ACTR3C: variants seen among roughly 807,000 people sequenced by gnomAD.
ACTR3C encodes the protein actin related protein 3C.
In ACTR3C, 18 loss-of-function variants were observed where a neutral mutation model predicts 26.3. The ratio of observed to expected loss-of-function variants is 0.68; its 90% CI spans 0.47 to 1.01. ACTR3C has a LOEUF of 1.01. ACTR3C is among the 50% of genes least tolerant of loss of function. The probability of loss-of-function intolerance (pLI) is 0.00; values close to 1 mark genes in which losing one functional copy is unlikely to be tolerated. For missense variants in ACTR3C, 184 were observed against 250.7 expected, an observed-to-expected ratio of 0.73 and a Z score of 1.80; for synonymous variants, 55 against 94.5, an observed-to-expected ratio of 0.58 and a Z score of 2.42.
At chr7:150,066,332 G>T in the ACTR3C span, among the ~76,000 whole-genome samples, 682 of 152,302 alleles carry the variant, frequency 4.5e-3, 5 homozygotes, top group African/African-American at 0.016. Context: ...TGTGTGAACT[G>T]GAACAGGCCT....
chr7:150,162,433 C>T, the ACTR3C span, among the ~76,000 whole-genome samples: 2 of 152,092 alleles, frequency 1.3e-5, no homozygotes, highest in African/African-American at 4.8e-5. Flanking sequence ...TCAAGCAATT[C>T]TCCTGCCTCA....
chr7:150,036,441 G>A, the ACTR3C span, among the ~76,000 whole-genome samples: 158 of 144,926 alleles, frequency 1.1e-3, no homozygotes, highest in African/African-American at 3.9e-3. Context: ...CGCATACAAT[G>A]GAAAAGGCTT....
the ACTR3C span, among the ~76,000 whole-genome samples, chr7:149,976,241 T>G: frequency 1.3e-5 from 2 of 152,184 alleles, no homozygotes; most frequent in South Asian, 4.1e-4. Flanking sequence ...CTTTAATTTT[T>G]GGTTCAAGGG....
chr7:150,160,224 T>C, the ACTR3C span, among the ~76,000 whole-genome samples: 1 of 152,186 alleles, frequency 6.6e-6, no homozygotes, highest in Non-Finnish European at 1.5e-5. Flanking sequence ...TAAAGAGTTT[T>C]AGTAAAAAAG....
At chr7:150,009,563 C>T in the ACTR3C span, among the ~76,000 whole-genome samples, 1 of 152,124 alleles carries the variant, frequency 6.6e-6, no homozygotes, top group Non-Finnish European at 1.5e-5. Context: ...TCTTTGAGTA[C>T]CACCCCATGT....
the ACTR3C span, among the ~76,000 whole-genome samples, chr7:150,027,220 A>G: frequency 6.6e-6 from 1 of 152,252 alleles, no homozygotes; most frequent in African/African-American, 2.4e-5. Context: ...AGTGAACGGC[A>G]CAGTCCACAA....
At chr7:150,213,072 A>AGAAT in the ACTR3C span, among the ~76,000 whole-genome samples, 1 of 151,946 alleles carries the variant, frequency 6.6e-6, no homozygotes, top group East Asian at 1.9e-4. Flanking sequence ...GAATTCAGAA[A>AGAAT]GAACTACAGG....
At chr7:150,008,981 C>T in the ACTR3C span, among the ~76,000 whole-genome samples, 3 of 139,874 alleles carry the variant, frequency 2.1e-5, no homozygotes, top group Non-Finnish European at 3.1e-5. Flanking sequence ...GAGAGGGCAC[C>T]GAACATCTCA....
At chr7:149,900,176 T>G in the ACTR3C span, among the ~76,000 whole-genome samples, 3 of 151,588 alleles carry the variant, frequency 2.0e-5, no homozygotes, top group African/African-American at 7.3e-5. Flanking sequence ...TTTGTTTTTG[T>G]TTTTTTGGTT....
At chr7:149,939,559 T>C in the ACTR3C span, among the ~76,000 whole-genome samples, 1 of 139,058 alleles carries the variant, frequency 7.2e-6, no homozygotes, top group African/African-American at 2.7e-5. Context: ...TCCTCTGAAG[T>C]CTCTGCCAGG....
chr7:150,229,744 C>A, the ACTR3C span, among the ~76,000 whole-genome samples: 3 of 150,360 alleles, frequency 2.0e-5, no homozygotes, highest in African/African-American at 7.4e-5. Context: ...AATCCACCTG[C>A]CTCAGGCTCC....
the ACTR3C span, among the ~76,000 whole-genome samples, chr7:150,037,347 T>A: frequency 4.8e-4 from 17 of 35,712 alleles, no homozygotes; most frequent in East Asian, 1.4e-3. Flanking sequence ...GGGAAGAGGG[T>A]CTGGCTCTCA....
rs1832645418 is a variant in ACTR3C at position 150,248,955 on chromosome 7, A to G, written c.*31T>C. 6.9e-6 allele frequency: 4 copies of G among 576,982 alleles called. No homozygotes were observed. Among genetic ancestry groups the G allele is most frequent in the Middle Eastern group, 2.6e-4 (1 of 3,820 alleles). 35.7% of individuals were successfully genotyped at this position (576,982 alleles called of 1,614,324 possible). On this transcript the variant is annotated 3_prime_UTR_variant, in exon 7 of 8. Coordinates refer to ENST00000683684, the MANE Select transcript of ACTR3C (RefSeq NM_001164458.2). ...TGAAAATCATGAGAATACCTCAAAT[A>G]AAAGGCTACGCATGGGCTCAATATA... is the stretch of plus-strand genomic sequence containing the variant.
the ACTR3C span, among the ~76,000 whole-genome samples, chr7:149,907,478 T>TTCTCTTCTCTTCTCTTCTCTCTCTC: frequency 1.0e-5 from 1 of 97,688 alleles, no homozygotes; most frequent in South Asian, 4.6e-4. Flanking sequence ...CTCTCTTCTC[T>TTCTCTTCTCTTCTCTTCTCTCTCTC]TCTCTCTCTC....
chr7:150,243,504 A>G (rs1023291998), downstream of ACTR3C, among the ~76,000 whole-genome samples: 1 of 151,992 alleles, frequency 6.6e-6, no homozygotes, highest in Non-Finnish European at 1.5e-5. Flanking sequence ...AATATCATAC[A>G]CATACTTTTA....
chr7:149,883,827 C>T, the ACTR3C span, among the ~76,000 whole-genome samples: 6 of 152,314 alleles, frequency 3.9e-5, no homozygotes, highest in East Asian at 7.7e-4. Flanking sequence ...GGCACTGCTT[C>T]GGAAACCAAA....
chr7:150,037,891 G>C, the ACTR3C span, among the ~76,000 whole-genome samples: 2 of 131,000 alleles, frequency 1.5e-5, no homozygotes, highest in Admixed American at 7.2e-5. Flanking sequence ...AAGGGGGGAA[G>C]AGGGGCTCGC....
chr7:149,980,965 A>G, the ACTR3C span, among the ~76,000 whole-genome samples: 885 of 151,386 alleles, frequency 5.8e-3, 11 homozygotes, highest in African/African-American at 0.021. Flanking sequence ...TCGTTTGTCT[A>G]TGATTGGCAA....
the ACTR3C span, among the ~76,000 whole-genome samples, chr7:150,105,154 C>T: frequency 6.6e-6 from 1 of 151,008 alleles, no homozygotes; most frequent in Non-Finnish European, 1.5e-5. Flanking sequence ...GCTATCTCCG[C>T]TCACTGCAAG....
Sources: gnomAD v4.1 joint callset for allele counts (sites outside exome capture counted in the v4.1 genomes callset) on GRCh38, gnomAD v4.1.1 for gene constraint, MANE v1.5 for transcripts, NCBI Gene and HGNC (gene_info 2026-07-23, HGNC 2026-07-21) for gene names.